The following ANKRD30BL variants were observed in gnomAD, a reference collection of about 807,000 sequenced individuals.
ANKRD30BL encodes ankyrin repeat domain 30B like.
ANKRD30BL carries 20 observed loss-of-function variants against 18.4 expected under a neutral mutation model. The ratio of observed to expected loss-of-function variants is 1.09; its 90% confidence interval spans 0.77 to 1.58. The LOEUF (loss-of-function observed/expected upper bound fraction) is 1.58, where lower values mean the gene tolerates loss of function less well. ANKRD30BL is among the 40% of genes most tolerant of loss of function. The pLI, the probability that ANKRD30BL is intolerant of heterozygous loss-of-function variation, is 0.00. For synonymous variants in ANKRD30BL, 72 were observed against 100.9 expected, an observed-to-expected ratio of 0.71 and a Z score of 1.72; for missense variants, 224 against 268.6, an observed-to-expected ratio of 0.83 and a Z score of 1.16.
chr2:132,240,012 A>G (rs1304927291), intron 1 of ANKRD30BL, among the ~76,000 whole-genome samples: 1 of 151,962 alleles, frequency 6.6e-6, no homozygotes, highest in African/African-American at 2.4e-5. Flanking sequence ...GCATTCTCAG[A>G]AACTTCTTGT....
chr2:132,238,344 A>T (rs1680216648), intron 1 of ANKRD30BL, among the ~76,000 whole-genome samples: 2 of 151,958 alleles, frequency 1.3e-5, no homozygotes, highest in Admixed American at 1.3e-4. Context: ...CTTCTTTGTG[A>T]CGTGTGCATT....
intron 1 of ANKRD30BL, among the ~76,000 whole-genome samples, chr2:132,170,770 A>T (rs1232716522): frequency 6.6e-6 from 1 of 152,248 alleles, no homozygotes. Flanking sequence ...TGGAGGGAAG[A>T]CTTCACCTAT....
At chr2:132,195,653 C>T (rs577103171) in intron 1 of ANKRD30BL, among the ~76,000 whole-genome samples, 10 of 151,260 alleles carry the variant, frequency 6.6e-5, no homozygotes, top group African/African-American at 1.9e-4. Flanking sequence ...TAGCAGGGCA[C>T]GGTGGTGGGT....
chr2:132,241,205 G>A (rs568297360), intron 1 of ANKRD30BL, among the ~76,000 whole-genome samples: 213 of 151,690 alleles, frequency 1.4e-3, no homozygotes, highest in Middle Eastern at 3.4e-3. Context: ...AGAATTCTCA[G>A]AAACTTCTTT....
chr2:132,243,261 T>C (rs778589511), intron 1 of ANKRD30BL, among the ~76,000 whole-genome samples: 2 of 151,800 alleles, frequency 1.3e-5, no homozygotes, highest in South Asian at 2.1e-4. Context: ...TAGAAATTTC[T>C]TTGTGATGTG....
At chr2:132,236,329 A>C (rs1297326643) in intron 1 of ANKRD30BL, among the ~76,000 whole-genome samples, 4 of 152,158 alleles carry the variant, frequency 2.6e-5, no homozygotes, top group Non-Finnish European at 5.9e-5. Flanking sequence ...AAAAGACAAA[A>C]TTGACAAATG....
chr2:132,194,938 A>G (rs1410868965), intron 1 of ANKRD30BL, among the ~76,000 whole-genome samples: 5 of 152,218 alleles, frequency 3.3e-5, no homozygotes, highest in Admixed American at 6.5e-5. Flanking sequence ...TGTAACATGC[A>G]TATGATTCAC....
chr2:132,215,223 T>G (rs1679465512), intron 1 of ANKRD30BL, among the ~76,000 whole-genome samples: 2 of 152,278 alleles, frequency 1.3e-5, no homozygotes, highest in African/African-American at 4.8e-5. Context: ...GAAACATCTT[T>G]GTGATGTGTG....
At position 132,191,656 on chromosome 2, in the gene ANKRD30BL, T is replaced by C. The variant is rs191588434; in HGVS notation, n.442-34510A>G. The stretch of plus-strand genomic sequence containing the variant: ...TTTTTCAGTGTTTATCCATCATTCA[T>C]ATATCTTTGGTTATTGTCATCTACT... On this transcript the variant is annotated intron_variant and non_coding_transcript_variant, in intron 1 of 4. Transcript: ENST00000470729. 2.6e-5 allele frequency among the ~76,000 whole-genome samples: 4 copies of C among 152,298 alleles called. No individual in the cohort carries two copies. In the East Asian group the frequency reaches 7.7e-4, roughly 29 times the overall value.
chr2:132,188,470 A>G (rs1678760026), intron 1 of ANKRD30BL, among the ~76,000 whole-genome samples: 1 of 152,242 alleles, frequency 6.6e-6, no homozygotes, highest in Non-Finnish European at 1.5e-5. Context: ...TAATCCCAGC[A>G]CTTTGGGAGG....
At chr2:132,229,008 T>C (rs1297889078) in intron 1 of ANKRD30BL, among the ~76,000 whole-genome samples, 1 of 152,102 alleles carries the variant, frequency 6.6e-6, no homozygotes, top group East Asian at 1.9e-4. Flanking sequence ...TCTAACGGAT[T>C]GAAACCTTTC....
At chr2:132,256,798 C>T (rs1490169599) in intron 1 of ANKRD30BL, among the ~76,000 whole-genome samples, 1 of 152,228 alleles carries the variant, frequency 6.6e-6, no homozygotes, top group East Asian at 1.9e-4. Context: ...AGCGGCGGCG[C>T]CCCACCAGGC....
intron 1 of ANKRD30BL, among the ~76,000 whole-genome samples, chr2:132,196,150 A>AAAAAAAAG (rs1553472731): frequency 3.6e-4 from 55 of 151,670 alleles, no homozygotes; most frequent in African/African-American, 1.3e-3. Flanking sequence ...TCAAAAAAAA[A>AAAAAAAAG]AAAAAGAAAA....
chr2:132,246,435 C>T (rs115739972), intron 1 of ANKRD30BL, among the ~76,000 whole-genome samples: 4 of 150,528 alleles, frequency 2.7e-5, no homozygotes, highest in African/African-American at 9.7e-5. Flanking sequence ...ATATTGGACA[C>T]CATTGAGTAT....
intron 1 of ANKRD30BL, among the ~76,000 whole-genome samples, chr2:132,237,282 A>G (rs867505279): frequency 2.6e-5 from 4 of 151,892 alleles, no homozygotes; most frequent in South Asian, 2.1e-4. Flanking sequence ...TAATAATAAT[A>G]ATAAAAAGTA....
intron 1 of ANKRD30BL, chr2:132,257,046 C>T (rs78327226): frequency 5.8e-6 from 3 of 515,230 alleles, no homozygotes; most frequent in African/African-American, 3.9e-5. Flanking sequence ...GGTACCGCAG[C>T]GACCCGCCTA....
At chr2:132,214,773 T>C (rs1573850479) in intron 1 of ANKRD30BL, among the ~76,000 whole-genome samples, 1 of 150,196 alleles carries the variant, frequency 6.7e-6, no homozygotes. Context: ...GTTTGGAAAC[T>C]CTCTTTTTGT....
intron 5 of ANKRD30BL, among the ~76,000 whole-genome samples, chr2:132,150,466 AATTT>A (rs1466480015): frequency 2.0e-5 from 3 of 151,214 alleles, no homozygotes; most frequent in African/African-American, 7.3e-5. Flanking sequence ...TTTGTAATAA[AATTT>A]ATTTATAAAT....
intron 5 of ANKRD30BL, among the ~76,000 whole-genome samples, chr2:132,148,940 G>T (rs62165775): frequency 7.6e-4 from 116 of 152,274 alleles, no homozygotes; most frequent in African/African-American, 2.6e-3. Context: ...ACAGTTATTT[G>T]TTAAGTGGAC....
Sources: allele counts gnomAD v4.1 joint callset (sites outside exome capture counted in the v4.1 genomes callset), GRCh38; gene constraint gnomAD v4.1.1; transcripts MANE v1.5; gene names NCBI Gene and HGNC (gene_info 2026-07-23, HGNC 2026-07-21).